NLGN1: variants seen among roughly 807,000 people sequenced by gnomAD.
NLGN1 encodes neuroligin-1.
Under a neutral mutation model 65.5 loss-of-function variants are expected in NLGN1, and 12 were observed. That is an observed-to-expected ratio of 0.18 (90% confidence interval 0.12 to 0.30). The LOEUF (loss-of-function observed/expected upper bound fraction) is 0.30, where lower values mean the gene tolerates loss of function less well. Ranked by LOEUF, NLGN1 falls within the 10% of genes least tolerant of loss-of-function variation. The probability of loss-of-function intolerance (pLI) is 1.00; values close to 1 mark genes in which losing one functional copy is unlikely to be tolerated. For synonymous variants in NLGN1, 350 were observed against 359.5 expected, an observed-to-expected ratio of 0.97 and a Z score of 0.30; for missense variants, 750 against 1,007.1, an observed-to-expected ratio of 0.74 and a Z score of 3.46.
At chr3:174,200,366 T>G (rs1215016629) in intron 4 of NLGN1, among the ~76,000 whole-genome samples, 1 of 152,228 alleles carries the variant, frequency 6.6e-6, no homozygotes, top group African/African-American at 2.4e-5. Context: ...ACCTCAATAT[T>G]AAAACCCAAA....
At position 173,488,010 on chromosome 3, in the gene NLGN1, CTT is replaced by C. The variant is rs1329021649; in HGVS notation, c.-321+52937_-321+52938del. ...TACTAGTTTTTGTTGTATTTTATCG[CTT>C]TTTTATTTTTGCTTTTTCATTCTTC... On this transcript the variant is annotated intron_variant, in intron 2 of 6. Transcript: ENST00000457714. Among the ~76,000 whole-genome samples, 4 of 151,656 alleles carry C rather than the reference CTT, an allele frequency of 2.6e-5. No homozygotes were observed. The East Asian group carries it at 7.7e-4, about 29-fold the overall frequency.
chr3:173,997,607 A>C (rs935169150), intron 4 of NLGN1, among the ~76,000 whole-genome samples: 6 of 152,104 alleles, frequency 3.9e-5, no homozygotes. Flanking sequence ...GGCAATATTC[A>C]TAATCATCCC....
chr3:173,943,248 G>A lies in NLGN1; in HGVS notation c.646+135416G>A, dbSNP rs796386413. Among the ~76,000 whole-genome samples the A allele has an allele frequency of 3.2e-4, 49 of 151,836 alleles. 1 individual carries two copies. Among genetic ancestry groups the A allele is most frequent in the African/African-American group, 1.0e-3 (43 of 41,436 alleles). On this transcript the variant is annotated intron_variant, in intron 4 of 6. Transcript: ENST00000457714. The stretch of plus-strand genomic sequence containing the variant: ...CAAAAACAAAAAAAAATAATGAAGG[G>A]TATAAAAATATATTTTTCCTTTGTG...
chr3:174,066,564 C>CTCTGTGTG (rs1553925385), intron 4 of NLGN1, among the ~76,000 whole-genome samples: 6 of 100,100 alleles, frequency 6.0e-5, no homozygotes, highest in African/African-American at 8.2e-5. Context: ...CTCTCTCTCT[C>CTCTGTGTG]TGTGTGTGTG....
intron 3 of NLGN1, among the ~76,000 whole-genome samples, chr3:173,805,642 G>C (rs1397385076): frequency 6.6e-6 from 1 of 152,092 alleles, no homozygotes; most frequent in Non-Finnish European, 1.5e-5. Context: ...TTGGTGCTTT[G>C]TAATTCTATG....
chr3:174,121,477 G>C (rs1384940523), intron 4 of NLGN1, among the ~76,000 whole-genome samples: 1 of 144,158 alleles, frequency 6.9e-6, no homozygotes, highest in Non-Finnish European at 1.5e-5. Context: ...TTCTAGACAA[G>C]TTGGCAAGTA....
intron 2 of NLGN1, among the ~76,000 whole-genome samples, chr3:173,577,491 G>T (rs1745683999): frequency 6.6e-6 from 1 of 151,980 alleles, no homozygotes; most frequent in African/African-American, 2.4e-5. Context: ...AAATTTAATT[G>T]TTTTCTTTTG....
intron 4 of NLGN1, among the ~76,000 whole-genome samples, chr3:174,217,483 T>C (rs1737831503): frequency 6.6e-6 from 1 of 152,044 alleles, no homozygotes; most frequent in African/African-American, 2.4e-5. Flanking sequence ...CATGATTGGG[T>C]TCTGGTGAGA....
At chr3:173,420,746 T>C (rs2148693645) in intron 1 of NLGN1, among the ~76,000 whole-genome samples, 1 of 152,278 alleles carries the variant, frequency 6.6e-6, no homozygotes, top group Non-Finnish European at 1.5e-5. Flanking sequence ...TTCTTCTTCT[T>C]CCGGTGTGGC....
chr3:174,134,925 C>G (rs1720933189), intron 4 of NLGN1, among the ~76,000 whole-genome samples: 1 of 152,090 alleles, frequency 6.6e-6, no homozygotes, highest in Non-Finnish European at 1.5e-5. Context: ...CTACTGTATT[C>G]CTGGAGGAGC....
chr3:173,553,263 T>C (rs898246683), intron 2 of NLGN1, among the ~76,000 whole-genome samples: 13 of 152,176 alleles, frequency 8.5e-5, no homozygotes, highest in African/African-American at 3.1e-4. Context: ...AAAAAGGAAA[T>C]TATATTATTT....
intron 4 of NLGN1, among the ~76,000 whole-genome samples, chr3:174,194,349 C>T (rs985797581): frequency 2.0e-5 from 3 of 151,374 alleles, no homozygotes; most frequent in Non-Finnish European, 4.4e-5. Context: ...ACTCAGAAGG[C>T]TGAGGCAGGA....
chr3:174,214,430 C>G (rs1737236785), intron 4 of NLGN1, among the ~76,000 whole-genome samples: 1 of 152,108 alleles, frequency 6.6e-6, no homozygotes, highest in South Asian at 2.1e-4. Flanking sequence ...CAACAGTGTT[C>G]CCTATTAAAT....
At chr3:173,806,490 TA>T (rs561189476) in intron 3 of NLGN1, among the ~76,000 whole-genome samples, 29 of 152,040 alleles carry the variant, frequency 1.9e-4, no homozygotes, top group East Asian at 1.2e-3. Context: ...AATATTGGCA[TA>T]AAAAAAGATA....
intron 4 of NLGN1, among the ~76,000 whole-genome samples, chr3:173,857,782 T>G (rs1458485117): frequency 7.3e-6 from 1 of 137,610 alleles, no homozygotes; most frequent in Admixed American, 7.3e-5. Flanking sequence ...AATTACTAAG[T>G]GAACAATTAC....
intron 4 of NLGN1, among the ~76,000 whole-genome samples, chr3:174,074,311 G>C (rs1410760885): frequency 6.6e-6 from 1 of 152,126 alleles, no homozygotes; most frequent in Admixed American, 6.6e-5. Context: ...AGATGATAAT[G>C]TGCTAATATT....
chr3:174,015,850 C>T (rs193245091), intron 4 of NLGN1, among the ~76,000 whole-genome samples: 28 of 151,826 alleles, frequency 1.8e-4, no homozygotes, highest in Admixed American at 2.6e-4. Flanking sequence ...GCACAAACCA[C>T]GAAAAATGCT....
intron 3 of NLGN1, among the ~76,000 whole-genome samples, chr3:173,746,008 C>T (rs1775307402): frequency 6.6e-6 from 1 of 152,066 alleles, no homozygotes; most frequent in Admixed American, 6.6e-5. Context: ...TGAATGCCCT[C>T]TCTAAGTGAG....
chr3:173,794,479 C>G (rs528726835), intron 3 of NLGN1, among the ~76,000 whole-genome samples: 2 of 152,132 alleles, frequency 1.3e-5, no homozygotes, highest in African/African-American at 4.8e-5. Flanking sequence ...CTCTAGACAT[C>G]TAGTGGCACT....
Sources: gnomAD v4.1 joint callset for allele counts (sites outside exome capture counted in the v4.1 genomes callset) on GRCh38, gnomAD v4.1.1 for gene constraint, MANE v1.5 for transcripts, NCBI Gene and HGNC (gene_info 2026-07-23, HGNC 2026-07-21) for gene names.